The following COG5 variants were observed in gnomAD, a reference collection of about 807,000 sequenced individuals.
COG5 encodes the protein conserved oligomeric Golgi complex subunit 5.
Under a neutral mutation model 110.4 loss-of-function variants are expected in COG5, and 86 were observed. The ratio of observed to expected loss-of-function variants is 0.78; its 90% CI spans 0.65 to 0.93. The LOEUF (loss-of-function observed/expected upper bound fraction) is 0.93, where lower values mean the gene tolerates loss of function less well. COG5 is among the 40% of genes least tolerant of loss of function. The probability of loss-of-function intolerance (pLI) is 0.00; values close to 1 mark genes in which losing one functional copy is unlikely to be tolerated. For missense variants in COG5, 1,077 were observed against 987.0 expected, an observed-to-expected ratio of 1.09 and a Z score of -1.22; for synonymous variants, 360 against 334.6, an observed-to-expected ratio of 1.08 and a Z score of -0.83.
At chr7:107,291,400 G>A (rs749095943) in intron 12 of COG5, among the ~76,000 whole-genome samples, 31 of 152,132 alleles carry the variant, frequency 2.0e-4, no homozygotes, top group Non-Finnish European at 3.7e-4. Flanking sequence ...TAGATACATT[G>A]TTGCAACTCT....
chr7:107,268,549 G>A (rs763147776), intron 14 of COG5, among the ~76,000 whole-genome samples: 2 of 152,180 alleles, frequency 1.3e-5, no homozygotes, highest in African/African-American at 4.8e-5. Flanking sequence ...TAGTTTTAAA[G>A]GATATAATTC....
chr7:107,238,198 T>C (rs1801347181), intron 17 of COG5, among the ~76,000 whole-genome samples: 1 of 152,204 alleles, frequency 6.6e-6, no homozygotes. Context: ...TCTCTGTTTC[T>C]ATGTATTCGG....
chr7:107,249,955 T>C (rs375655218), intron 16 of COG5, among the ~76,000 whole-genome samples: 10 of 151,992 alleles, frequency 6.6e-5, no homozygotes, highest in African/African-American at 2.2e-4. Flanking sequence ...TCAGTATATA[T>C]GGAGTATAAG....
intron 17 of COG5, among the ~76,000 whole-genome samples, chr7:107,237,199 TG>T (rs1194683911): frequency 1.3e-5 from 2 of 152,204 alleles, no homozygotes; most frequent in Non-Finnish European, 2.9e-5. Flanking sequence ...ATTCTGACTG[TG>T]GAAATGGTTA....
In COG5 at chr7:107,201,734, AAGAG is replaced by A. The variant is rs1798327196; in HGVS notation, c.*1778_*1781del. ...TCCTGTGGTGCTAAAGTACAGTAGAAAGAGAGGAGAAGTGTATACATGTTTTATT... is the reference window on the plus strand; with the variant it reads ...TCCTGTGGTGCTAAAGTACAGTAGAAAGGAGAAGTGTATACATGTTTTATT... On this transcript the variant is annotated 3_prime_UTR_variant, in exon 22 of 22. Transcript: ENST00000297135. 6.6e-6 allele frequency: 2 copies of A among 301,178 alleles called. No homozygotes were observed. The highest frequency in any genetic ancestry group is 2.2e-5 in the African/African-American group (1 of 46,370). 18.7% of individuals were successfully genotyped at this position (301,178 alleles called of 1,614,324 possible).
At chr7:107,503,907 T>A (rs1388397909) in intron 6 of COG5, among the ~76,000 whole-genome samples, 1 of 152,126 alleles carries the variant, frequency 6.6e-6, no homozygotes, top group Non-Finnish European at 1.5e-5. Flanking sequence ...TATTTAGGGT[T>A]TTTCATGTAT....
intron 8 of COG5, among the ~76,000 whole-genome samples, chr7:107,362,807 CCTTT>C (rs1813239094): frequency 2.7e-5 from 4 of 146,908 alleles, no homozygotes; most frequent in Admixed American, 2.0e-4. Flanking sequence ...TGTTGTATCC[CCTTT>C]CTTAAAAAAA....
chr7:107,557,867 G>T, intron 2 of COG5, 109 bp downstream of exon 2: 1 of 1,358,888 alleles, frequency 7.4e-7, no homozygotes. Context: ...ACACTGGTAA[G>T]TATGTACTTC....
At chr7:107,536,375 C>T (rs578095889) in intron 5 of COG5, among the ~76,000 whole-genome samples, 42 of 152,230 alleles carry the variant, frequency 2.8e-4, no homozygotes, top group African/African-American at 8.2e-4. Flanking sequence ...AAAACTCCAT[C>T]GTCTCAGCCC....
chr7:107,527,312 T>C lies in COG5; in HGVS notation c.463A>G (p.Ser155Gly), dbSNP rs753552900. The C allele has an allele frequency of 1.2e-6, 2 of 1,613,218 alleles. No individual in the cohort carries two copies. The highest frequency in any genetic ancestry group is 1.7e-5 in the Admixed American group (1 of 59,972). ...LRRIIRILNL[S>G]KRLQGQLQGG... ...TGCAGTTGTCCTTGGAGTCTCTTACTGAGATTCAAGATACGAATAATCCTC... is the reference window on the plus strand; with the variant it reads ...TGCAGTTGTCCTTGGAGTCTCTTACCGAGATTCAAGATACGAATAATCCTC... The change falls in exon 6 of 22, where the codon AGT becomes GGT. Residue 155 changes from serine to glycine, a missense_variant. Physicochemically the swap from Ser to Gly is moderately conservative, Grantham distance 56. Transcript: ENST00000297135.
chr7:107,248,312 G>T, intron 17 of COG5, 84 bp downstream of exon 17: 3 of 874,054 alleles, frequency 3.4e-6, no homozygotes, highest in East Asian at 2.4e-5. Context: ...GATGGCAGGG[G>T]GGCAGCTTAG....
At chr7:107,307,088 G>A (rs1030057344) in intron 11 of COG5, among the ~76,000 whole-genome samples, 1 of 152,158 alleles carries the variant, frequency 6.6e-6, no homozygotes, top group Non-Finnish European at 1.5e-5. Flanking sequence ...TTCATTTGCA[G>A]CCACTGTCCT....
intron 6 of COG5, among the ~76,000 whole-genome samples, chr7:107,421,407 C>T (rs1793279978): frequency 6.6e-6 from 1 of 152,164 alleles, no homozygotes; most frequent in Non-Finnish European, 1.5e-5. Context: ...ACAAATTCTG[C>T]TCAACTACAC....
chr7:107,554,282 T>C lies in COG5; in HGVS notation c.292+3A>G, dbSNP rs774989892. 5.0e-6 allele frequency: 8 copies of C among 1,613,250 alleles called. No individual in the cohort carries two copies. The highest frequency in any genetic ancestry group is 6.8e-6 in the Non-Finnish European group (8 of 1,179,368). On this transcript the variant is annotated splice_donor_region_variant and intron_variant, in intron 3 of 21. Coordinates refer to ENST00000297135, the MANE Select transcript of COG5 (RefSeq NM_006348.5). ...TAATCTCTAGCAGTTATTAGAAATA[T>C]ACCTTCCAACGACTCAATCCCAGTT...
At chr7:107,404,415 CTATATT>C (rs1791659983) in intron 7 of COG5, among the ~76,000 whole-genome samples, 1 of 152,074 alleles carries the variant, frequency 6.6e-6, no homozygotes, top group Admixed American at 6.6e-5. Context: ...TTCTTTTAGT[CTATATT>C]TATAATAAAC....
At chr7:107,521,216 T>C (rs1156888338) in intron 6 of COG5, among the ~76,000 whole-genome samples, 1 of 152,106 alleles carries the variant, frequency 6.6e-6, no homozygotes, top group East Asian at 1.9e-4. Context: ...GACAAGACCA[T>C]TCAGGGCATG....
chr7:107,248,275 T>C (rs1424261889), intron 17 of COG5, 121 bp downstream of exon 17: 1 of 727,682 alleles, frequency 1.4e-6, no homozygotes, highest in Non-Finnish European at 2.5e-6. Context: ...TGAAAACTAA[T>C]GCCATCACAA....
At chr7:107,266,964 A>G (rs115638365) in intron 14 of COG5, among the ~76,000 whole-genome samples, 1,647 of 152,344 alleles carry the variant, frequency 0.011, 17 homozygotes, top group African/African-American at 0.038. Context: ...AACAGACTCA[A>G]TGGTAATGTT....
chr7:107,414,519 T>A (rs1792552844), intron 6 of COG5, among the ~76,000 whole-genome samples: 1 of 152,090 alleles, frequency 6.6e-6, no homozygotes, highest in Non-Finnish European at 1.5e-5. Flanking sequence ...AGCACATCAG[T>A]CATTTTACTA....
Sources: allele counts gnomAD v4.1 joint callset (sites outside exome capture counted in the v4.1 genomes callset), GRCh38; gene constraint gnomAD v4.1.1; transcripts MANE v1.5; gene names NCBI Gene and HGNC (gene_info 2026-07-23, HGNC 2026-07-21).